The following DMD variants were observed in gnomAD, a reference collection of about 807,000 sequenced individuals.
DMD encodes dystrophin.
Under a neutral mutation model 330.1 loss-of-function variants are expected in DMD, and 63 were observed. The ratio of observed to expected loss-of-function variants is 0.19; its 90% CI spans 0.16 to 0.24. The LOEUF (loss-of-function observed/expected upper bound fraction) is 0.24. Among genes scored for constraint, DMD ranks in the 10% least tolerant of loss-of-function variants. The pLI is 1.00. For missense variants in DMD, 3,344 were observed against 2,684.1 expected (o/e 1.25, Z -5.43); for synonymous variants, 1,223 against 959.8 (o/e 1.27, Z -5.07).
chrX:32,867,438 A>C (rs898669789), intron 2 of DMD, among the ~76,000 whole-genome samples: 21 of 112,353 alleles, frequency 1.9e-4, no homozygotes, highest in African/African-American at 6.5e-4. Flanking sequence ...TTTTTTTCTT[A>C]CAAAGCTCAA....
intron 49 of DMD, among the ~76,000 whole-genome samples, chrX:31,824,508 C>T (rs1371105782): frequency 9.0e-6 from 1 of 111,607 alleles, no homozygotes; most frequent in African/African-American, 3.3e-5. Flanking sequence ...ATCTTGGCCT[C>T]CCAATGTGCT....
chrX:32,557,712 A>T (rs1354725829), intron 16 of DMD, among the ~76,000 whole-genome samples: 1 of 111,808 alleles, frequency 8.9e-6, no homozygotes. Context: ...TCTAAGCAAA[A>T]GAAAATATTT....
intron 16 of DMD, among the ~76,000 whole-genome samples, chrX:32,552,191 A>T (rs2049639259): frequency 8.9e-6 from 1 of 112,159 alleles, no homozygotes; most frequent in Non-Finnish European, 1.9e-5. Context: ...AAAAGAAAAA[A>T]GCTGGAACCA....
chrX:32,691,888 G>C (rs1221425410), intron 9 of DMD, among the ~76,000 whole-genome samples: 3 of 111,728 alleles, frequency 2.7e-5, no homozygotes, highest in Non-Finnish European at 5.6e-5. Context: ...ATTATGGGAA[G>C]TGAAATAAGA....
In DMD at chrX:32,318,088, G is replaced by A. The variant is rs748628683; in HGVS notation, c.5923-7812C>T. 2.7e-5 allele frequency among the ~76,000 whole-genome samples: 3 copies of A among 111,021 alleles called. No individual in the cohort carries two copies. The South Asian group carries it at 1.1e-3, about 42-fold the overall frequency. On this transcript the variant is annotated intron_variant, in intron 41 of 78. Transcript: ENST00000357033. ...TGCAGGCTTTAAGTAGGTTCTGATG[G>A]GTCATAAATGAAAAGGCAATGGGAA...
chrX:32,620,375 G>A (rs1834523904), intron 11 of DMD, among the ~76,000 whole-genome samples: 1 of 111,504 alleles, frequency 9.0e-6, no homozygotes, highest in African/African-American at 3.3e-5. Context: ...CGAAGTATTG[G>A]GGTTGTTATC....
At chrX:32,751,430 A>G (rs954183687) in intron 7 of DMD, among the ~76,000 whole-genome samples, 2 of 111,599 alleles carry the variant, frequency 1.8e-5, no homozygotes, top group Admixed American at 1.9e-4. Context: ...GTTATAGGGA[A>G]CTTTGAGCTT....
chrX:33,137,228 G>T (rs893365043), intron 1 of DMD, among the ~76,000 whole-genome samples: 1 of 111,041 alleles, frequency 9.0e-6, no homozygotes, highest in African/African-American at 3.3e-5. Context: ...AACACACTTA[G>T]GCAAGGTGTG....
At position 31,655,883 on chromosome X, in the gene DMD, T is replaced by C. The variant is rs139831037; in HGVS notation, c.8027+2107A>G. Among the ~76,000 whole-genome samples, 130 of 111,901 alleles carry C rather than the reference T, an allele frequency of 1.2e-3. 1 individual carries two copies. Among genetic ancestry groups the C allele is most frequent in the African/African-American group, 4.1e-3 (127 of 30,831 alleles). The stretch of plus-strand genomic sequence containing the variant: ...TTTGTTACGGAAGCACGAAAAGGAC[T>C]AAGACAAGGACAACAGAAGTAGGTT... On this transcript the variant is annotated intron_variant, in intron 54 of 78. Transcript: ENST00000357033.
At chrX:31,833,374 A>AGAGAGAGT (rs2093118257) in intron 49 of DMD, among the ~76,000 whole-genome samples, 1 of 105,936 alleles carries the variant, frequency 9.4e-6, no homozygotes. Flanking sequence ...AGAGAGAGAG[A>AGAGAGAGT]GAGAGAGACA....
At chrX:31,406,116 T>C (rs2061393495) in intron 60 of DMD, among the ~76,000 whole-genome samples, 1 of 112,066 alleles carries the variant, frequency 8.9e-6, no homozygotes, top group East Asian at 2.8e-4. Context: ...TAAGAGCAGA[T>C]TGTACCCATA....
chrX:31,958,754 C>T (rs2095271710), intron 45 of DMD, among the ~76,000 whole-genome samples: 1 of 112,106 alleles, frequency 8.9e-6, no homozygotes, highest in South Asian at 3.7e-4. Flanking sequence ...ACCATCTCTA[C>T]ATTGACAGCA....
At chrX:32,251,165 T>G (rs1401165280) in intron 43 of DMD, among the ~76,000 whole-genome samples, 1 of 110,304 alleles carries the variant, frequency 9.1e-6, no homozygotes, top group Non-Finnish European at 1.9e-5. Context: ...GTTCTGCACC[T>G]GTATCCCAGA....
chrX:32,068,373 C>CTTTTTT (rs1569539146), intron 44 of DMD, among the ~76,000 whole-genome samples: 3 of 60,510 alleles, frequency 5.0e-5, no homozygotes, highest in Admixed American at 1.9e-4. Flanking sequence ...CCTTGCTTGT[C>CTTTTTT]ATTTTTTTTT....
At position 32,658,693 on chromosome X, in the gene DMD, G is replaced by A. The variant is rs375706916; in HGVS notation, c.961-13541C>T. On this transcript the variant is annotated intron_variant, in intron 9 of 78. Coordinates refer to ENST00000357033, the MANE Select transcript of DMD (RefSeq NM_004006.3). ...CATTGGGTCACTTTCCCACTCTATT[G>A]CATGTCCAAGCTAGCCATCTCTGAA... 9.1e-5 allele frequency among the ~76,000 whole-genome samples: 10 copies of A among 110,421 alleles called. No homozygotes were observed. In the East Asian group the frequency reaches 2.0e-3, roughly 22 times the overall value.
chrX:31,379,419 C>A (rs1472849263), intron 60 of DMD, among the ~76,000 whole-genome samples: 1 of 111,277 alleles, frequency 9.0e-6, no homozygotes, highest in Non-Finnish European at 1.9e-5. Flanking sequence ...AATAAAAAAA[C>A]AAGCCCAGTT....
intron 41 of DMD, among the ~76,000 whole-genome samples, chrX:32,330,926 A>C (rs1206920883): frequency 9.0e-6 from 1 of 111,694 alleles, no homozygotes; most frequent in Non-Finnish European, 1.9e-5. Context: ...AACCAATGTA[A>C]TAAAACAATA....
At chrX:31,433,956 C>A (rs371911153) in intron 60 of DMD, among the ~76,000 whole-genome samples, 2 of 111,948 alleles carry the variant, frequency 1.8e-5, no homozygotes, top group Admixed American at 9.5e-5. Context: ...CTATTCAAGA[C>A]ATTTATAGAA....
intron 2 of DMD, among the ~76,000 whole-genome samples, chrX:32,858,922 A>G (rs999364272): frequency 8.1e-5 from 9 of 111,250 alleles, no homozygotes; most frequent in Admixed American, 1.9e-4. Context: ...TTCTGAACTC[A>G]GGTCTCTCAC....
Sources: allele counts gnomAD v4.1 joint callset (sites outside exome capture counted in the v4.1 genomes callset), GRCh38; gene constraint gnomAD v4.1.1; transcripts MANE v1.5; gene names NCBI Gene and HGNC (gene_info 2026-07-23, HGNC 2026-07-21).